The following LGR5 variants were observed in gnomAD, a reference collection of about 807,000 sequenced individuals.
LGR5 encodes the protein leucine-rich repeat-containing G protein-coupled receptor 5.
Under a neutral mutation model 76.7 loss-of-function variants are expected in LGR5, and 54 were observed. The ratio of observed to expected loss-of-function variants is 0.70; its 90% CI spans 0.57 to 0.88. LGR5 has a LOEUF of 0.88. Ranked by LOEUF, LGR5 falls within the 40% of genes least tolerant of loss-of-function variation. LGR5 has a pLI of 0.00. For missense variants in LGR5, 1,078 were observed against 1,073.3 expected, an observed-to-expected ratio of 1.00 and a Z score of -0.06; for synonymous variants, 406 against 421.9, an observed-to-expected ratio of 0.96 and a Z score of 0.46.
intron 1 of LGR5, among the ~76,000 whole-genome samples, chr12:71,450,894 A>G (rs184802583): frequency 3.7e-4 from 57 of 152,208 alleles, no homozygotes; most frequent in Non-Finnish European, 6.6e-4. Context: ...CAATCCTTCA[A>G]TGGTGTCCTG....
chr12:71,511,735 A>G (rs1424681203), intron 2 of LGR5, among the ~76,000 whole-genome samples: 1 of 152,084 alleles, frequency 6.6e-6, no homozygotes, highest in Non-Finnish European at 1.5e-5. Flanking sequence ...GCAGAACCAG[A>G]TTCATTCATG....
intron 1 of LGR5, among the ~76,000 whole-genome samples, chr12:71,471,190 T>A (rs1482946251): frequency 2.2e-4 from 33 of 152,188 alleles, no homozygotes; most frequent in Admixed American, 2.2e-3. Flanking sequence ...TAATAAATAA[T>A]GAAGTCAACC....
chr12:71,547,284 A>G (rs1441385041), intron 4 of LGR5, among the ~76,000 whole-genome samples: 1 of 152,188 alleles, frequency 6.6e-6, no homozygotes, highest in Non-Finnish European at 1.5e-5. Context: ...TGTGATGGAA[A>G]CCTTGCTATA....
At chr12:71,550,830 A>C (rs1263956253) in intron 4 of LGR5, among the ~76,000 whole-genome samples, 1 of 152,186 alleles carries the variant, frequency 6.6e-6, no homozygotes, top group Non-Finnish European at 1.5e-5. Flanking sequence ...AAAACATAGA[A>C]GCTCATATTA....
rs139728253 is a variant in LGR5 at position 71,455,751 on chromosome 12, G to A, written c.212+15459G>A. Among the ~76,000 whole-genome samples, 1,445 of 152,130 alleles carry A rather than the reference G, an allele frequency of 9.5e-3. 25 individuals carry two copies. The highest frequency in any genetic ancestry group is 0.033 in the African/African-American group (1,372 of 41,496). On this transcript the variant is annotated intron_variant, in intron 1 of 17. Transcript: ENST00000266674. ...CTTTTAACTTTGACTAAAGATTAAA[G>A]GTAATGACTGCACGCTGTTGTTTGG... is the stretch of plus-strand genomic sequence containing the variant.
At chr12:71,513,629 G>A (rs1875280531) in intron 2 of LGR5, among the ~76,000 whole-genome samples, 1 of 151,692 alleles carries the variant, frequency 6.6e-6, no homozygotes, top group African/African-American at 2.4e-5. Context: ...TAAACAAATA[G>A]CATCATGCCC....
At chr12:71,512,018 G>A (rs2137317816) in intron 2 of LGR5, among the ~76,000 whole-genome samples, 1 of 149,342 alleles carries the variant, frequency 6.7e-6, no homozygotes, top group East Asian at 1.9e-4. Context: ...TTTAGACAAA[G>A]TCTCACTCTG....
chr12:71,579,081 C>A, intron 15 of LGR5, 152 bp downstream of exon 15: 3 of 629,052 alleles, frequency 4.8e-6, no homozygotes, highest in South Asian at 3.1e-5. Context: ...ATTGTTAGGA[C>A]AAGCCCTGAA....
chr12:71,483,590 A>C (rs915791273), intron 1 of LGR5, among the ~76,000 whole-genome samples: 4 of 152,214 alleles, frequency 2.6e-5, no homozygotes, highest in African/African-American at 9.6e-5. Context: ...GCAGCATAGC[A>C]GCAAAGGGGC....
At chr12:71,447,687 C>T (rs1872064793) in intron 1 of LGR5, among the ~76,000 whole-genome samples, 1 of 152,196 alleles carries the variant, frequency 6.6e-6, no homozygotes. Flanking sequence ...AATACACACA[C>T]CAACAAGAAA....
intron 8 of LGR5, 152 bp downstream of exon 8, chr12:71,562,004 G>T: frequency 2.3e-6 from 1 of 428,810 alleles, no homozygotes. Context: ...CATTTTGCCA[G>T]GTTCTAGCTG....
At chr12:71,464,014 A>T (rs921055930) in intron 1 of LGR5, among the ~76,000 whole-genome samples, 2 of 152,136 alleles carry the variant, frequency 1.3e-5, no homozygotes, top group African/African-American at 4.8e-5. Context: ...ATTTTTGGCC[A>T]AAGGAATATA....
chr12:71,486,814 G>A (rs1358039954), intron 1 of LGR5, among the ~76,000 whole-genome samples: 1 of 150,544 alleles, frequency 6.6e-6, no homozygotes, highest in Non-Finnish European at 1.5e-5. Flanking sequence ...TCAATTCGGA[G>A]ACTTCTAGCT....
intron 1 of LGR5, among the ~76,000 whole-genome samples, chr12:71,449,127 G>A (rs191966874): frequency 6.6e-4 from 101 of 152,202 alleles, no homozygotes; most frequent in African/African-American, 2.3e-3. Flanking sequence ...TCCATCCCTC[G>A]CTTCAAGATA....
chr12:71,539,711 C>G (rs2137377971), intron 4 of LGR5, among the ~76,000 whole-genome samples: 1 of 152,294 alleles, frequency 6.6e-6, no homozygotes, highest in Middle Eastern at 3.4e-3. Context: ...TGCCTGAGCT[C>G]AAGTAATCTG....
At chr12:71,451,695 T>C (rs1036768573) in intron 1 of LGR5, among the ~76,000 whole-genome samples, 2 of 152,224 alleles carry the variant, frequency 1.3e-5, no homozygotes, top group Non-Finnish European at 2.9e-5. Context: ...TACTGGACTA[T>C]ATACCCCTTG....
At position 71,578,872 on chromosome 12, in the gene LGR5, TAACAGGA is replaced by T; in HGVS notation, c.1352_1358del (p.Thr451IlefsTer7). 6.2e-7 allele frequency: 1 copy of T among 1,612,828 alleles called. No individual in the cohort carries two copies. The highest frequency in any genetic ancestry group is 8.5e-7 in the Non-Finnish European group (1 of 1,179,256). ...TTACATGGTTTAACTCACTTAAAAT[TAACAGGA>T]AATCATGCCTTACAGAGCTTGATAT... On this transcript the variant is annotated frameshift_variant, in exon 15 of 18. Transcript: ENST00000266674. LOFTEE classifies it high-confidence loss of function.
chr12:71,449,789 T>C (rs1254803572), intron 1 of LGR5, among the ~76,000 whole-genome samples: 1 of 152,236 alleles, frequency 6.6e-6, no homozygotes, highest in African/African-American at 2.4e-5. Context: ...AGCTAATACC[T>C]AACTACATTT....
intron 2 of LGR5, among the ~76,000 whole-genome samples, chr12:71,508,062 CAA>C (rs61662758): frequency 1.9e-4 from 22 of 114,844 alleles, no homozygotes; most frequent in African/African-American, 2.3e-4. Flanking sequence ...TACTAAAATA[CAA>C]AAAAAAAAAA....
Sources: allele counts gnomAD v4.1 joint callset (sites outside exome capture counted in the v4.1 genomes callset), GRCh38; gene constraint gnomAD v4.1.1; transcripts MANE v1.5; gene names NCBI Gene and HGNC (gene_info 2026-07-23, HGNC 2026-07-21).